Variants in SPATA31D3 observed in about 807,000 individuals in gnomAD.
The protein encoded by SPATA31D3 is spermatogenesis-associated protein 31D3.
For missense variants in SPATA31D3, 91 were observed against 297.9 expected (o/e 0.31, Z 5.11); for synonymous variants, 27 against 107.8 (o/e 0.25, Z 4.65).
chr9:81,945,273 C>CTTCTTTTTTTTTTTTTT, intron 3 of SPATA31D3, 41 bp downstream of exon 3: 1 of 91,352 alleles, frequency 1.1e-5, no homozygotes, highest in Non-Finnish European at 1.9e-5. Flanking sequence ...CCACCGCCTT[C>CTTCTTTTTTTTTTTTTT]TTTTTTTTTT....
In SPATA31D3 at chr9:81,949,120, C is replaced by G. The variant is rs543425935; in HGVS notation, c.*1113C>G. On this transcript the variant is annotated 3_prime_UTR_variant, in exon 4 of 4. Transcript: ENST00000445385. Reference sequence around the variant, plus strand: ...AATCCGTGTGGCACAGCAGCAGGAGCCCAGGGTCCCTACGCATGTCTTACA... The same window carrying G: ...AATCCGTGTGGCACAGCAGCAGGAGGCCAGGGTCCCTACGCATGTCTTACA... 14 of 629,366 alleles carry G rather than the reference C, an allele frequency of 2.2e-5. No individual in the cohort carries two copies. The highest frequency in any genetic ancestry group is 3.7e-5 in the Non-Finnish European group (13 of 349,258). The allele number at this position is 629,366 out of a possible 1,614,324, so 39.0% of individuals were successfully genotyped here. A position where few individuals can be genotyped will look rare whatever the true frequency, so the allele number is the denominator to read the frequency against.
chr9:81,949,703 C>G lies in SPATA31D3; in HGVS notation c.*1696C>G, dbSNP rs1587488458. 1.4e-6 allele frequency: 2 copies of G among 1,402,494 alleles called. No individual in the cohort carries two copies. Among genetic ancestry groups the G allele is most frequent in the South Asian group, 1.2e-5 (1 of 86,504 alleles). 86.9% of individuals were successfully genotyped at this position (1,402,494 alleles called of 1,614,324 possible). A position where few individuals can be genotyped will look rare whatever the true frequency, so the allele number is the denominator to read the frequency against. On this transcript the variant is annotated 3_prime_UTR_variant, in exon 4 of 4. Coordinates refer to ENST00000445385, the MANE Select transcript of SPATA31D3 (RefSeq NM_207416.3). ...TATCCCTGCAACTACATGGCTCCCTCCTGCAAAGTGACATGTACCAAATCT... is the reference window on the plus strand; with the variant it reads ...TATCCCTGCAACTACATGGCTCCCTGCTGCAAAGTGACATGTACCAAATCT...
At position 81,947,613 on chromosome 9, in the gene SPATA31D3, A is replaced by C; in HGVS notation, c.2360A>C (p.Glu787Ala). The change falls in exon 4 of 4, where the codon GAG becomes GCG. Residue 787 changes from glutamate to alanine, a missense_variant. By Grantham distance (107) the Glu-to-Ala change is moderately radical. Transcript: ENST00000445385. ...APKNHLLHDP[E>A]TSSEEDLRSN... is the part of the protein sequence containing the mutation. Reference sequence around the variant, plus strand: ...AAAAACCATCTCTTGCATGATCCGGAGACATCTTCAGAGGAGGATCTGAGG... The same window carrying C: ...AAAAACCATCTCTTGCATGATCCGGCGACATCTTCAGAGGAGGATCTGAGG... The C allele has an allele frequency of 3.2e-6, 5 of 1,568,580 alleles. 1 individual carries two copies. The highest frequency in any genetic ancestry group is 1.7e-4 in the Middle Eastern group (1 of 5,922).
Position 81,949,817 on chromosome 9 carries a change from G to C in SPATA31D3, c.*1810G>C, listed in dbSNP as rs1177631251. 5.2e-6 allele frequency: 6 copies of C among 1,157,084 alleles called. No homozygotes were observed. The highest frequency in any genetic ancestry group is 1.5e-5 in the African/African-American group (1 of 65,732). The allele number at this position is 1,157,084 out of a possible 1,614,324, so 71.7% of individuals were successfully genotyped here. On this transcript the variant is annotated 3_prime_UTR_variant, in exon 4 of 4. Transcript: ENST00000445385. Reference sequence around the variant, plus strand: ...AAGGACAGATAGCCCCAGGAAGTTGGACATTTAAGGGGAAGATATTGTGTC... The same window carrying C: ...AAGGACAGATAGCCCCAGGAAGTTGCACATTTAAGGGGAAGATATTGTGTC...
chr9:81,948,967 C>T lies in SPATA31D3; in HGVS notation c.*960C>T, dbSNP rs1337216163. 4.0e-5 allele frequency: 13 copies of T among 321,114 alleles called. No individual in the cohort carries two copies. Among genetic ancestry groups the T allele is most frequent in the Non-Finnish European group, 6.4e-5 (11 of 172,804 alleles). 19.9% of individuals were successfully genotyped at this position (321,114 alleles called of 1,614,324 possible). On this transcript the variant is annotated 3_prime_UTR_variant, in exon 4 of 4. Coordinates refer to ENST00000445385, the MANE Select transcript of SPATA31D3 (RefSeq NM_207416.3). ...GAGGAAGCATAGCCAACCTCAGAGC[C>T]ATTTCACTGGCATGTCTCTTGCCTT... is the stretch of plus-strand genomic sequence containing the variant.
Position 81,949,487 on chromosome 9 carries a change from G to C in SPATA31D3, c.*1480G>C. On this transcript the variant is annotated 3_prime_UTR_variant, in exon 4 of 4. Transcript: ENST00000445385. ...CAGAATAGAGGTCGAGTTAAAAGTA[G>C]AGCTGTCTTTACTGGGACTATTGAA... 1 of 508,156 alleles carries C rather than the reference G, an allele frequency of 2.0e-6. No homozygotes were observed. The highest frequency in any genetic ancestry group is 3.7e-6 in the Non-Finnish European group (1 of 271,886). The allele number at this position is 508,156 out of a possible 1,614,324, so 31.5% of individuals were successfully genotyped here. A position where few individuals can be genotyped will look rare whatever the true frequency, so the allele number is the denominator to read the frequency against.
At position 81,949,299 on chromosome 9, in the gene SPATA31D3, G is replaced by T; in HGVS notation, c.*1292G>T. 2.8e-6 allele frequency: 1 copy of T among 363,586 alleles called. No homozygotes were observed. The highest frequency in any genetic ancestry group is 3.8e-5 in the South Asian group (1 of 25,992). 22.5% of individuals were successfully genotyped at this position (363,586 alleles called of 1,614,324 possible). ...TTCATAACAAGACATCAAGGGAGTC[G>T]CTTGGGAGCAAATCTTCCCCAACCT... On this transcript the variant is annotated 3_prime_UTR_variant, in exon 4 of 4. Coordinates refer to ENST00000445385, the MANE Select transcript of SPATA31D3 (RefSeq NM_207416.3).
Position 81,948,033 on chromosome 9 carries a change from G to C in SPATA31D3, c.*26G>C. On this transcript the variant is annotated 3_prime_UTR_variant, in exon 4 of 4. Coordinates refer to ENST00000445385, the MANE Select transcript of SPATA31D3 (RefSeq NM_207416.3). ...GGATGCTGTGGGGCCTTCCCCGCAAGATCCGTGAACCCACAGAAATCTTCA... is the reference window on the plus strand; with the variant it reads ...GGATGCTGTGGGGCCTTCCCCGCAACATCCGTGAACCCACAGAAATCTTCA... 1 of 1,597,346 alleles carries C rather than the reference G, an allele frequency of 6.3e-7. No homozygotes were observed. Among genetic ancestry groups the C allele is most frequent in the Non-Finnish European group, 8.5e-7 (1 of 1,172,112 alleles).
chr9:81,949,827 G>T lies in SPATA31D3; in HGVS notation c.*1820G>T, dbSNP rs1234973446. ...AGCCCCAGGAAGTTGGACATTTAAG[G>T]GGAAGATATTGTGTCAAAGGCATCC... On this transcript the variant is annotated 3_prime_UTR_variant, in exon 4 of 4. Coordinates refer to ENST00000445385, the MANE Select transcript of SPATA31D3 (RefSeq NM_207416.3). 3.0e-5 allele frequency: 33 copies of T among 1,112,606 alleles called. No individual in the cohort carries two copies. The highest frequency in any genetic ancestry group is 4.3e-5 in the Non-Finnish European group (32 of 740,616). 68.9% of individuals were successfully genotyped at this position (1,112,606 alleles called of 1,614,324 possible). A position where few individuals can be genotyped will look rare whatever the true frequency, so the allele number is the denominator to read the frequency against.
chr9:81,949,727 C>A lies in SPATA31D3; in HGVS notation c.*1720C>A. 4 of 1,409,868 alleles carry A rather than the reference C, an allele frequency of 2.8e-6. No homozygotes were observed. The highest frequency in any genetic ancestry group is 1.2e-5 in the South Asian group (1 of 86,766). 87.3% of individuals were successfully genotyped at this position (1,409,868 alleles called of 1,614,324 possible). On this transcript the variant is annotated 3_prime_UTR_variant, in exon 4 of 4. Transcript: ENST00000445385. ...TCCTGCAAAGTGACATGTACCAAAT[C>A]TTGCAGCCAACAAGCTATCTTTGTC...
Position 81,949,693 on chromosome 9 carries a change from A to G in SPATA31D3, c.*1686A>G, listed in dbSNP as rs975465866. On this transcript the variant is annotated 3_prime_UTR_variant, in exon 4 of 4. Coordinates refer to ENST00000445385, the MANE Select transcript of SPATA31D3 (RefSeq NM_207416.3). ...TGTCCAGGGCTATCCCTGCAACTAC[A>G]TGGCTCCCTCCTGCAAAGTGACATG... 4 of 1,373,334 alleles carry G rather than the reference A, an allele frequency of 2.9e-6. No individual in the cohort carries two copies. The African/African-American group carries it at 4.3e-5, about 15-fold the overall frequency. The allele number at this position is 1,373,334 out of a possible 1,614,324, so 85.1% of individuals were successfully genotyped here.
In SPATA31D3 at chr9:81,949,423, A is replaced by G; in HGVS notation, c.*1416A>G. 2 of 369,938 alleles carry G rather than the reference A, an allele frequency of 5.4e-6. No homozygotes were observed. The highest frequency in any genetic ancestry group is 1.1e-5 in the Non-Finnish European group (2 of 187,986). 22.9% of individuals were successfully genotyped at this position (369,938 alleles called of 1,614,324 possible). ...CATCATAACATATGGAAAACAAGAA[A>G]GTTCCTAGGAAAAGGGTAGCTCCTT... is the stretch of plus-strand genomic sequence containing the variant. On this transcript the variant is annotated 3_prime_UTR_variant, in exon 4 of 4. Transcript: ENST00000445385.
In SPATA31D3 at chr9:81,949,455, A is replaced by T; in HGVS notation, c.*1448A>T. The T allele has an allele frequency of 9.4e-6, 4 of 424,458 alleles. No individual in the cohort carries two copies. The highest frequency in any genetic ancestry group is 1.8e-5 in the Non-Finnish European group (4 of 220,504). 26.3% of individuals were successfully genotyped at this position (424,458 alleles called of 1,614,324 possible). On this transcript the variant is annotated 3_prime_UTR_variant, in exon 4 of 4. Transcript: ENST00000445385. ...AGGAAAAGGGTAGCTCCTTGTCATCATCTGTGCAGAATAGAGGTCGAGTTA... is the reference window on the plus strand; with the variant it reads ...AGGAAAAGGGTAGCTCCTTGTCATCTTCTGTGCAGAATAGAGGTCGAGTTA...
At position 81,949,722 on chromosome 9, in the gene SPATA31D3, C is replaced by G; in HGVS notation, c.*1715C>G. The G allele has an allele frequency of 1.4e-6, 2 of 1,407,088 alleles. No homozygotes were observed. The highest frequency in any genetic ancestry group is 1.2e-5 in the South Asian group (1 of 86,626). 87.2% of individuals were successfully genotyped at this position (1,407,088 alleles called of 1,614,324 possible). A position where few individuals can be genotyped will look rare whatever the true frequency, so the allele number is the denominator to read the frequency against. On this transcript the variant is annotated 3_prime_UTR_variant, in exon 4 of 4. Coordinates refer to ENST00000445385, the MANE Select transcript of SPATA31D3 (RefSeq NM_207416.3). ...CTCCCTCCTGCAAAGTGACATGTAC[C>G]AAATCTTGCAGCCAACAAGCTATCT...
chr9:81,949,694 T>A lies in SPATA31D3; in HGVS notation c.*1687T>A, dbSNP rs867857173. 2 of 1,378,358 alleles carry A rather than the reference T, an allele frequency of 1.5e-6. No homozygotes were observed. Among genetic ancestry groups the A allele is most frequent in the African/African-American group, 1.4e-5 (1 of 69,854 alleles). The allele number at this position is 1,378,358 out of a possible 1,614,324, so 85.4% of individuals were successfully genotyped here. A position where few individuals can be genotyped will look rare whatever the true frequency, so the allele number is the denominator to read the frequency against. On this transcript the variant is annotated 3_prime_UTR_variant, in exon 4 of 4. Transcript: ENST00000445385. ...GTCCAGGGCTATCCCTGCAACTACATGGCTCCCTCCTGCAAAGTGACATGT... is the reference window on the plus strand; with the variant it reads ...GTCCAGGGCTATCCCTGCAACTACAAGGCTCCCTCCTGCAAAGTGACATGT...
chr9:81,949,484 G>A lies in SPATA31D3; in HGVS notation c.*1477G>A. The A allele has an allele frequency of 2.0e-6, 1 of 503,016 alleles. No individual in the cohort carries two copies. The highest frequency in any genetic ancestry group is 3.7e-6 in the Non-Finnish European group (1 of 268,538). 31.2% of individuals were successfully genotyped at this position (503,016 alleles called of 1,614,324 possible). On this transcript the variant is annotated 3_prime_UTR_variant, in exon 4 of 4. Coordinates refer to ENST00000445385, the MANE Select transcript of SPATA31D3 (RefSeq NM_207416.3). ...GTGCAGAATAGAGGTCGAGTTAAAAGTAGAGCTGTCTTTACTGGGACTATT... is the reference window on the plus strand; with the variant it reads ...GTGCAGAATAGAGGTCGAGTTAAAAATAGAGCTGTCTTTACTGGGACTATT...
Position 81,948,122 on chromosome 9 carries a change from T to C in SPATA31D3, c.*115T>C. 7.2e-7 allele frequency: 1 copy of C among 1,393,486 alleles called. No homozygotes were observed. The highest frequency in any genetic ancestry group is 9.7e-7 in the Non-Finnish European group (1 of 1,032,968). 86.3% of individuals were successfully genotyped at this position (1,393,486 alleles called of 1,614,324 possible). On this transcript the variant is annotated 3_prime_UTR_variant, in exon 4 of 4. Coordinates refer to ENST00000445385, the MANE Select transcript of SPATA31D3 (RefSeq NM_207416.3). ...TACCTTCCCTCCTCAGCCAGCTTTA[T>C]TTCTCAGGGAGATTCCAAAGATGGG...
chr9:81,949,488 A>T lies in SPATA31D3; in HGVS notation c.*1481A>T. ...AGAATAGAGGTCGAGTTAAAAGTAG[A>T]GCTGTCTTTACTGGGACTATTGAAG... On this transcript the variant is annotated 3_prime_UTR_variant, in exon 4 of 4. Coordinates refer to ENST00000445385, the MANE Select transcript of SPATA31D3 (RefSeq NM_207416.3). The T allele has an allele frequency of 2.0e-6, 1 of 509,796 alleles. No homozygotes were observed. Among genetic ancestry groups the T allele is most frequent in the Non-Finnish European group, 3.7e-6 (1 of 272,820 alleles). 31.6% of individuals were successfully genotyped at this position (509,796 alleles called of 1,614,324 possible). A position where few individuals can be genotyped will look rare whatever the true frequency, so the allele number is the denominator to read the frequency against.
rs578054907 is a variant in SPATA31D3, at chr9:81,949,625, G to A, written c.*1618G>A. 3 of 801,236 alleles carry A rather than the reference G, an allele frequency of 3.7e-6. No individual in the cohort carries two copies. The highest frequency in any genetic ancestry group is 2.6e-5 in the East Asian group (1 of 38,818). The allele number at this position is 801,236 out of a possible 1,614,324, so 49.6% of individuals were successfully genotyped here. A position where few individuals can be genotyped will look rare whatever the true frequency, so the allele number is the denominator to read the frequency against. ...CCCCTTTCCTCCCCAGTGCAGCTTG[G>A]GAAATCTCAGAATGTGCCAGAACTG... On this transcript the variant is annotated 3_prime_UTR_variant, in exon 4 of 4. Coordinates refer to ENST00000445385, the MANE Select transcript of SPATA31D3 (RefSeq NM_207416.3).
Sources: allele counts gnomAD v4.1 joint callset, GRCh38; gene constraint gnomAD v4.1.1; transcripts MANE v1.5; gene names NCBI Gene and HGNC (gene_info 2026-07-23, HGNC 2026-07-21).